The following MERTK variants were observed in gnomAD, a reference collection of about 807,000 sequenced individuals.
MERTK encodes the protein MER proto-oncogene, tyrosine kinase, also known as tyrosine-protein kinase Mer.
Under a neutral mutation model 99.3 loss-of-function variants are expected in MERTK, and 69 were observed. That is an observed-to-expected ratio of 0.70 (90% CI 0.57 to 0.85). The LOEUF (loss-of-function observed/expected upper bound fraction) is 0.85, where lower values mean the gene tolerates loss of function less well. Ranked by LOEUF, MERTK falls within the 40% of genes least tolerant of loss-of-function variation. The pLI is 0.00. For missense variants in MERTK, 1,125 were observed against 1,249.4 expected (o/e 0.90, Z 1.50); for synonymous variants, 426 against 467.6 (o/e 0.91, Z 1.15).
intron 2 of MERTK, among the ~76,000 whole-genome samples, chr2:111,944,391 G>T (rs755928331): frequency 2.0e-5 from 1 of 50,534 alleles, no homozygotes; most frequent in Non-Finnish European, 4.1e-5. Flanking sequence ...TATAGGATCT[G>T]TGTCTACAGC....
chr2:111,954,819 C>T (rs1218927737), intron 4 of MERTK, among the ~76,000 whole-genome samples: 1 of 152,176 alleles, frequency 6.6e-6, no homozygotes, highest in Non-Finnish European at 1.5e-5. Context: ...GTGCTGGGCT[C>T]ACAGGGGTTA....
chr2:112,024,690 A>G (rs183097527), intron 18 of MERTK, among the ~76,000 whole-genome samples: 6 of 152,310 alleles, frequency 3.9e-5, no homozygotes, highest in Non-Finnish European at 5.9e-5. Context: ...GCACTTTGGG[A>G]GGCCAAGACA....
chr2:111,934,157 A>G (rs1684724424), intron 2 of MERTK, among the ~76,000 whole-genome samples: 1 of 152,092 alleles, frequency 6.6e-6, no homozygotes, highest in Non-Finnish European at 1.5e-5. Context: ...AGTCTTTGCT[A>G]TTGAGAATGA....
chr2:112,012,176 T>C (rs1677118743), intron 15 of MERTK, among the ~76,000 whole-genome samples: 1 of 152,150 alleles, frequency 6.6e-6, no homozygotes. Flanking sequence ...CCATATGCTG[T>C]GGGGTCTGCT....
At chr2:112,008,250 C>T (rs1414706967) in intron 13 of MERTK, 133 bp from the exon 14 acceptor site, 1 of 722,688 alleles carries the variant, frequency 1.4e-6, no homozygotes, top group East Asian at 2.7e-5. Context: ...CTGACAACCA[C>T]TCATCTGTTT....
intron 6 of MERTK, among the ~76,000 whole-genome samples, chr2:111,973,543 C>G (rs1259311473): frequency 1.3e-5 from 2 of 152,118 alleles, no homozygotes; most frequent in Non-Finnish European, 2.9e-5. Context: ...AAGATTCAAG[C>G]ACACATAGCC....
intron 2 of MERTK, among the ~76,000 whole-genome samples, chr2:111,935,171 A>G (rs958534320): frequency 3.2e-4 from 49 of 152,220 alleles, no homozygotes; most frequent in African/African-American, 1.1e-3. Context: ...CACACTAGTT[A>G]TCAAAATGGC....
At chr2:112,011,242 G>C (rs1259021538) in intron 15 of MERTK, among the ~76,000 whole-genome samples, 1 of 152,130 alleles carries the variant, frequency 6.6e-6, no homozygotes, top group Non-Finnish European at 1.5e-5. Context: ...GAAAGTGCAA[G>C]GAAATTAGTT....
chr2:112,020,224 A>G (rs1194097130), intron 16 of MERTK, among the ~76,000 whole-genome samples: 12 of 151,978 alleles, frequency 7.9e-5, no homozygotes. Flanking sequence ...CTTTCACCTC[A>G]TTTTTGAAAA....
At chr2:111,981,061 T>G (rs1043323640) in intron 7 of MERTK, among the ~76,000 whole-genome samples, 2 of 152,218 alleles carry the variant, frequency 1.3e-5, no homozygotes, top group African/African-American at 4.8e-5. Flanking sequence ...ACTGATTTCA[T>G]AGGCAGCTTT....
chr2:111,925,304 T>A lies in MERTK; in HGVS notation c.62-3816T>A, dbSNP rs1247423324. The stretch of plus-strand genomic sequence containing the variant: ...TATATATATATATATTTTTTTTTTT[T>A]TTTTTTTTTTTTTTGAGATGGATTT... On this transcript the variant is annotated intron_variant, in intron 1 of 18. Coordinates refer to ENST00000295408, the MANE Select transcript of MERTK (RefSeq NM_006343.3). 2.7e-4 allele frequency among the ~76,000 whole-genome samples: 18 copies of A among 67,684 alleles called. 2 individuals carry two copies. The highest frequency in any genetic ancestry group is 9.1e-4 in the African/African-American group (16 of 17,674). 44.4% of individuals were successfully genotyped at this position (67,684 alleles called of 152,430 possible). A position where few individuals can be genotyped will look rare whatever the true frequency, so the allele number is the denominator to read the frequency against.
intron 2 of MERTK, among the ~76,000 whole-genome samples, chr2:111,936,411 A>AT (rs1269186459): frequency 9.2e-6 from 1 of 108,366 alleles, no homozygotes; most frequent in African/African-American, 3.4e-5. Context: ...AAAATTAAAA[A>AT]TTTTTTAATT....
intron 8 of MERTK, among the ~76,000 whole-genome samples, chr2:111,990,093 T>C (rs1387881734): frequency 6.6e-6 from 1 of 152,198 alleles, no homozygotes; most frequent in Non-Finnish European, 1.5e-5. Context: ...CCTGTGTGCA[T>C]CTGATTTTAG....
intron 1 of MERTK, among the ~76,000 whole-genome samples, chr2:111,925,487 G>C (rs1396628198): frequency 2.0e-5 from 3 of 150,990 alleles, no homozygotes; most frequent in Non-Finnish European, 4.4e-5. Context: ...ATTTTTAGTA[G>C]AGACGGGGTT....
intron 1 of MERTK, among the ~76,000 whole-genome samples, chr2:111,925,414 G>A (rs1480750910): frequency 1.4e-5 from 2 of 142,342 alleles, no homozygotes; most frequent in South Asian, 4.6e-4. Context: ...CGATTCTCCT[G>A]TCTCAGCCTC....
At chr2:111,965,385 C>A in intron 5 of MERTK, 108 bp downstream of exon 5, 1 of 1,056,740 alleles carries the variant, frequency 9.5e-7, no homozygotes, top group Non-Finnish European at 1.4e-6. Context: ...CTCACTGTCT[C>A]AAGGTTCTTT....
At position 111,940,874 on chromosome 2, in the gene MERTK, C is replaced by A; in HGVS notation, c.483-4086C>A. On this transcript the variant is annotated intron_variant, in intron 2 of 18. Coordinates refer to ENST00000295408, the MANE Select transcript of MERTK (RefSeq NM_006343.3). ...TACTTTTGAAAGAACTCGGGCCAGTCACTGCTGTGGATGTTTCTTAAATTA... is the reference window on the plus strand; with the variant it reads ...TACTTTTGAAAGAACTCGGGCCAGTAACTGCTGTGGATGTTTCTTAAATTA... 4 of 750,982 alleles carry A rather than the reference C, an allele frequency of 5.3e-6. No homozygotes were observed. The South Asian group carries it at 5.4e-5, about 10-fold the overall frequency. 46.5% of individuals were successfully genotyped at this position (750,982 alleles called of 1,614,324 possible). A position where few individuals can be genotyped will look rare whatever the true frequency, so the allele number is the denominator to read the frequency against.
At position 112,019,510 on chromosome 2, in the gene MERTK, C is replaced by G. The variant is rs1266946198; in HGVS notation, c.2177C>G (p.Ala726Gly). The change falls in exon 16 of 19, where the codon GCT (alanine) becomes GGT (glycine). Residue 726 changes from alanine to glycine, a missense_variant. Coordinates refer to ENST00000295408, the MANE Select transcript of MERTK (RefSeq NM_006343.3). Reference sequence around the variant, plus strand: ...AATTTTCTTCATCGAGATTTAGCTGCTCGAAACTGCATGTAAGAGTCCTCG... The same window carrying G: ...AATTTTCTTCATCGAGATTTAGCTGGTCGAAACTGCATGTAAGAGTCCTCG... ...NRNFLHRDLA[A>G]RNCMLRDDMT... 2 of 1,611,054 alleles carry G rather than the reference C, an allele frequency of 1.2e-6. No individual in the cohort carries two copies. The highest frequency in any genetic ancestry group is 3.3e-5 in the Admixed American group (2 of 60,006).
chr2:112,003,238 T>A, intron 12 of MERTK, 51 bp downstream of exon 12: 1 of 849,068 alleles, frequency 1.2e-6, no homozygotes, highest in Non-Finnish European at 2.1e-6. Flanking sequence ...AAGGTAGCAG[T>A]TTAGAATAAT....
Sources: allele counts gnomAD v4.1 joint callset (sites outside exome capture counted in the v4.1 genomes callset), GRCh38; gene constraint gnomAD v4.1.1; transcripts MANE v1.5; gene names NCBI Gene and HGNC (gene_info 2026-07-23, HGNC 2026-07-21).